The following ECT2L variants were observed in gnomAD, a reference collection of about 807,000 sequenced individuals.
The protein encoded by ECT2L is epithelial cell-transforming sequence 2 oncogene-like.
ECT2L carries 126 observed loss-of-function variants against 122.8 expected under a neutral mutation model. That is an observed-to-expected ratio of 1.03 (90% confidence interval 0.89 to 1.19). The LOEUF is 1.19. Among genes scored for constraint, ECT2L ranks in the 50% most tolerant of loss-of-function variants. The pLI, the probability that ECT2L is intolerant of heterozygous loss-of-function variation, is 0.00. For synonymous variants in ECT2L, 385 were observed against 381.8 expected, an observed-to-expected ratio of 1.01 and a Z score of -0.10; for missense variants, 1,012 against 1,064.1, an observed-to-expected ratio of 0.95 and a Z score of 0.68.
chr6:138,807,113 G>A (rs1374605824), intron 1 of ECT2L, among the ~76,000 whole-genome samples: 1 of 140,062 alleles, frequency 7.1e-6, no homozygotes, highest in Non-Finnish European at 1.6e-5. Flanking sequence ...TGTCCCAGGG[G>A]TATTTTTTTT....
Position 138,902,778 on chromosome 6 carries a change from AAACTTT to A in ECT2L, c.*153_*158del. ...GACCCATAGGATCTTTCCAACTTTT[AAACTTT>A]ATCACTTGTGCTCACTTATGTAGAA... is the stretch of plus-strand genomic sequence containing the variant. On this transcript the variant is annotated 3_prime_UTR_variant, in exon 22 of 22. Transcript: ENST00000541398. 2 of 942,908 alleles carry A rather than the reference AAACTTT, an allele frequency of 2.1e-6. No homozygotes were observed. The highest frequency in any genetic ancestry group is 3.1e-5 in the South Asian group (2 of 65,498). 58.4% of individuals were successfully genotyped at this position (942,908 alleles called of 1,614,324 possible). A position where few individuals can be genotyped will look rare whatever the true frequency, so the allele number is the denominator to read the frequency against.
In ECT2L at chr6:138,823,579, G is replaced by T; in HGVS notation, c.179+8976G>T. 4 of 1,457,850 alleles carry T rather than the reference G, an allele frequency of 2.7e-6. 1 individual carries two copies. Among genetic ancestry groups the T allele is most frequent in the Non-Finnish European group, 3.7e-6 (4 of 1,070,852 alleles). The allele number at this position is 1,457,850 out of a possible 1,614,324, so 90.3% of individuals were successfully genotyped here. A position where few individuals can be genotyped will look rare whatever the true frequency, so the allele number is the denominator to read the frequency against. On this transcript the variant is annotated intron_variant, in intron 4 of 21. Transcript: ENST00000541398. ...TCCCTGATCACCAGCTGCAACATGA[G>T]CAAACGCATGGACATCGCCATCCAA...
intron 21 of ECT2L, 58 bp downstream of exon 21, chr6:138,901,178 G>A: frequency 6.5e-7 from 1 of 1,527,094 alleles, no homozygotes; most frequent in Non-Finnish European, 8.9e-7. Context: ...ATAATGTAAA[G>A]CTCTTTAACA....
At chr6:138,807,337 C>T (rs1372671559) in intron 1 of ECT2L, among the ~76,000 whole-genome samples, 1 of 152,190 alleles carries the variant, frequency 6.6e-6, no homozygotes, top group Admixed American at 6.5e-5. Flanking sequence ...TAATTCATAT[C>T]TCTCACCTTG....
intron 7 of ECT2L, among the ~76,000 whole-genome samples, chr6:138,845,210 G>A (rs926734893): frequency 6.6e-6 from 1 of 150,714 alleles, no homozygotes; most frequent in African/African-American, 2.4e-5. Context: ...TTGTGCATCT[G>A]CTTAGAATTT....
intron 4 of ECT2L, among the ~76,000 whole-genome samples, chr6:138,834,931 ACACACT>A (rs1241072283): frequency 4.4e-5 from 4 of 90,962 alleles, no homozygotes; most frequent in East Asian, 3.5e-4. Context: ...ACACACACAC[ACACACT>A]CTCATTCTCT....
intron 16 of ECT2L, among the ~76,000 whole-genome samples, chr6:138,884,207 T>C (rs1172135841): frequency 1.3e-5 from 2 of 152,178 alleles, no homozygotes. Context: ...AATATTTCAC[T>C]TGGTCTTAGC....
chr6:138,807,632 A>T (rs866333247), intron 1 of ECT2L, among the ~76,000 whole-genome samples: 1 of 152,022 alleles, frequency 6.6e-6, no homozygotes, highest in African/African-American at 2.4e-5. Context: ...CCAGATACCA[A>T]TTTTTTTTGT....
chr6:138,865,393 T>C (rs1778000491), intron 12 of ECT2L, among the ~76,000 whole-genome samples: 1 of 152,202 alleles, frequency 6.6e-6, no homozygotes, highest in African/African-American at 2.4e-5. Context: ...CTCGTTCTTA[T>C]TTTAACATTT....
chr6:138,809,126 A>G (rs1012961481), intron 1 of ECT2L, among the ~76,000 whole-genome samples: 2 of 152,238 alleles, frequency 1.3e-5, no homozygotes, highest in Admixed American at 6.5e-5. Flanking sequence ...GGTAGTGAAC[A>G]GAGAGAAAGT....
At position 138,897,616 on chromosome 6, in the gene ECT2L, A is replaced by T. The variant is rs189821530; in HGVS notation, c.2415-3332A>T. 1.6e-3 allele frequency among the ~76,000 whole-genome samples: 244 copies of T among 152,272 alleles called. 3 individuals carry two copies. The highest frequency in any genetic ancestry group is 2.9e-3 in the Non-Finnish European group (199 of 68,012). ...TGGATAAACATTGTTGGAGATCTTG[A>T]GGGGCTTAATTTAGTAAATGGCTTT... On this transcript the variant is annotated intron_variant, in intron 20 of 21. Coordinates refer to ENST00000541398, the MANE Select transcript of ECT2L (RefSeq NM_001077706.3).
At chr6:138,871,267 G>A (rs909301082) in intron 13 of ECT2L, among the ~76,000 whole-genome samples, 3 of 152,294 alleles carry the variant, frequency 2.0e-5, no homozygotes, top group South Asian at 4.1e-4. Context: ...GTTTGAAGGC[G>A]TAGGATGGCA....
rs1779485206 is a variant in ECT2L at position 138,903,678 on chromosome 6, CAA to C, written c.*1053_*1054del. ...CTGAGTAAAAATGTTTCTTTGAAAACAAAGACACTCAGAAAAACAGGTGTTGA... is the reference window on the plus strand; with the variant it reads ...CTGAGTAAAAATGTTTCTTTGAAAACAGACACTCAGAAAAACAGGTGTTGA... On this transcript the variant is annotated 3_prime_UTR_variant, in exon 22 of 22. Transcript: ENST00000541398. 6.6e-6 allele frequency: 1 copy of C among 152,096 alleles called. No individual in the cohort carries two copies. The highest frequency in any genetic ancestry group is 1.5e-5 in the Non-Finnish European group (1 of 67,988). The allele number at this position is 152,096 out of a possible 1,614,324, so 9.4% of individuals were successfully genotyped here. A position where few individuals can be genotyped will look rare whatever the true frequency, so the allele number is the denominator to read the frequency against.
intron 4 of ECT2L, among the ~76,000 whole-genome samples, chr6:138,838,051 C>T (rs1294376236): frequency 6.6e-6 from 1 of 152,046 alleles, no homozygotes; most frequent in South Asian, 2.1e-4. Context: ...CAGGCACGCA[C>T]CACCATACTC....
chr6:138,859,498 C>T (rs1214208013), intron 10 of ECT2L, among the ~76,000 whole-genome samples: 6 of 152,176 alleles, frequency 3.9e-5, no homozygotes, highest in Admixed American at 3.3e-4. Context: ...TACATTTCCA[C>T]AAGCAGTATC....
At chr6:138,844,605 G>C (rs1777157999) in intron 7 of ECT2L, 25 bp downstream of exon 7, 1 of 1,608,326 alleles carries the variant, frequency 6.2e-7, no homozygotes, top group African/African-American at 1.3e-5. Context: ...ATCTACTGAA[G>C]GCTCAACACC....
rs1246816810 is a variant in ECT2L, at chr6:138,880,254, A to C, written c.1666-703A>C. 2.0e-5 allele frequency among the ~76,000 whole-genome samples: 3 copies of C among 152,172 alleles called. No individual in the cohort carries two copies. The East Asian group carries it at 5.8e-4, about 29-fold the overall frequency. ...CAGAAATTCTTTATGGAGGCTGGGA[A>C]GTCTAAGATCAAGATGCTAACATCT... On this transcript the variant is annotated intron_variant, in intron 14 of 21. Coordinates refer to ENST00000541398, the MANE Select transcript of ECT2L (RefSeq NM_001077706.3).
chr6:138,864,477 T>C (rs1777956117), intron 11 of ECT2L, among the ~76,000 whole-genome samples: 1 of 152,232 alleles, frequency 6.6e-6, no homozygotes, highest in Non-Finnish European at 1.5e-5. Context: ...AGAAACTTTC[T>C]TTAAGCACCT....
chr6:138,829,399 T>C (rs1046121821), intron 4 of ECT2L, among the ~76,000 whole-genome samples: 3 of 152,222 alleles, frequency 2.0e-5, no homozygotes, highest in African/African-American at 7.2e-5. Context: ...AAAGTTACAA[T>C]GCATCAAGAG....
Sources: allele counts gnomAD v4.1 joint callset (sites outside exome capture counted in the v4.1 genomes callset), GRCh38; gene constraint gnomAD v4.1.1; transcripts MANE v1.5; gene names NCBI Gene and HGNC (gene_info 2026-07-23, HGNC 2026-07-21).